LEO1: variants seen among roughly 807,000 people sequenced by gnomAD.
LEO1 encodes LEO1 component of Paf1/RNA polymerase II complex.
In LEO1, 34 loss-of-function variants were observed where a neutral mutation model predicts 80.4. The observed-to-expected ratio is 0.42, with a 90% CI of 0.32 to 0.56. LEO1 has a LOEUF of 0.56. LEO1 is among the 20% of genes least tolerant of loss of function. The pLI is 0.10. For missense variants in LEO1, 631 were observed against 814.2 expected (o/e 0.77, Z 2.74); for synonymous variants, 262 against 274.9 (o/e 0.95, Z 0.46).
rs1941081904 is a variant in LEO1, at chr15:51,949,887, A to G, written c.1719T>C (p.Asp573=). The G allele has an allele frequency of 6.2e-7, 1 of 1,613,970 alleles. No homozygotes were observed. The change falls in exon 10 of 12, where the codon GAT becomes GAC. Residue 573 remains aspartate, a synonymous_variant. Coordinates refer to ENST00000299601, the MANE Select transcript of LEO1 (RefSeq NM_138792.4). ...CGCCTTCCTCCTCCTCATCGTATCG[A>G]TCAGGTTCCAGGTAACTGGCGCTCA... The part of the protein sequence containing the change: ...RGLSASYLEP[D]RYDEEEEGEE...
At chr15:51,940,429 C>T (rs111826833) in intron 11 of LEO1, among the ~76,000 whole-genome samples, 10,795 of 151,160 alleles carry the variant, frequency 0.071, 518 homozygotes, top group South Asian at 0.13. Flanking sequence ...GGCGTGATGG[C>T]GGGCACCTGT....
chr15:51,967,115 A>C (rs974417869), intron 1 of LEO1, among the ~76,000 whole-genome samples: 1 of 152,184 alleles, frequency 6.6e-6, no homozygotes, highest in Non-Finnish European at 1.5e-5. Flanking sequence ...GGACACCTTA[A>C]GTTATACCAA....
At position 51,971,701 on chromosome 15, in the gene LEO1, T is replaced by C. The variant is rs768985049; in HGVS notation, c.45A>G (p.Glu15=). The change falls in exon 1 of 12, where the codon GAA becomes GAG. Residue 15 remains glutamate (E), a synonymous_variant. Coordinates refer to ENST00000299601, the MANE Select transcript of LEO1 (RefSeq NM_138792.4). ...EDLFGSDADS[E]AERKDSDSGS... ...CAGCGAACCCACCTTTACGCTCAGCTTCGCTGTCGGCGTCGCTCCCGAAGA... is the reference window on the plus strand; with the variant it reads ...CAGCGAACCCACCTTTACGCTCAGCCTCGCTGTCGGCGTCGCTCCCGAAGA... 10 of 1,614,178 alleles carry C rather than the reference T, an allele frequency of 6.2e-6. No individual in the cohort carries two copies. The Admixed American group carries it at 8.3e-5, about 13-fold the overall frequency.
In LEO1 at chr15:51,947,358, A is replaced by G; in HGVS notation, c.1830T>C (p.Ser610=). The change falls in exon 11 of 12, where the codon AGT becomes AGC. Residue 610 remains serine, a synonymous_variant. Coordinates refer to ENST00000299601, the MANE Select transcript of LEO1 (RefSeq NM_138792.4). ...EERARIYSSD[S]DEGSEEDKAQ... ...CTTTATCTTCTTCTGATCCCTCATC[A>G]CTGTCTGATGAATAGATTCTGGCTC... 1.9e-6 allele frequency: 3 copies of G among 1,612,984 alleles called. No homozygotes were observed. The highest frequency in any genetic ancestry group is 2.5e-6 in the Non-Finnish European group (3 of 1,179,574).
Position 51,965,762 on chromosome 15 carries a change from C to T in LEO1, c.801G>A (p.Gln267=), listed in dbSNP as rs749502590. 6.2e-7 allele frequency: 1 copy of T among 1,607,866 alleles called. No individual in the cohort carries two copies. Among genetic ancestry groups the T allele is most frequent in the South Asian group, 1.1e-5 (1 of 89,966 alleles). ...EHRHSDDEEE[Q]DHKSESARGS... ...TAAATGTATTACCTGATTTATGATC[C>T]TGTTCCTCTTCATCATCTGAATGCC... is the stretch of plus-strand genomic sequence containing the variant. The change falls in exon 2 of 12, where the codon CAG becomes CAA. Residue 267 remains glutamine (Q), a synonymous_variant. Coordinates refer to ENST00000299601, the MANE Select transcript of LEO1 (RefSeq NM_138792.4).
At chr15:51,958,878 A>C (rs745358446) in intron 5 of LEO1, 52 bp from the exon 6 acceptor site, 7 of 923,660 alleles carry the variant, frequency 7.6e-6, no homozygotes, top group Non-Finnish European at 1.2e-5. Context: ...AAAGAATATT[A>C]CTGCTATGTA....
intron 10 of LEO1, among the ~76,000 whole-genome samples, chr15:51,948,500 C>G (rs1195644087): frequency 6.6e-6 from 1 of 152,064 alleles, no homozygotes; most frequent in Non-Finnish European, 1.5e-5. Context: ...TAACAGGTCA[C>G]CAGACCAAAT....
At chr15:51,968,074 T>C (rs1213698198) in intron 1 of LEO1, among the ~76,000 whole-genome samples, 1 of 151,914 alleles carries the variant, frequency 6.6e-6, no homozygotes, top group East Asian at 1.9e-4. Flanking sequence ...AGCCCACTAC[T>C]TGGGAGGCTG....
chr15:51,946,033 TAAAAAA>T (rs914377515), intron 11 of LEO1, among the ~76,000 whole-genome samples: 1 of 149,944 alleles, frequency 6.7e-6, no homozygotes, highest in Non-Finnish European at 1.5e-5. Flanking sequence ...GACTCTGTCT[TAAAAAA>T]AAAGAAAAAG....
At chr15:51,938,290 A>G (rs912859272) in intron 11 of LEO1, 30 bp from the exon 12 acceptor site, 2 of 1,278,310 alleles carry the variant, frequency 1.6e-6, no homozygotes, top group Non-Finnish European at 2.2e-6. Flanking sequence ...ACAAATCTAC[A>G]AGTCAATAAA....
At chr15:51,941,985 C>T (rs1367781951) in intron 11 of LEO1, among the ~76,000 whole-genome samples, 1 of 152,198 alleles carries the variant, frequency 6.6e-6, no homozygotes, top group African/African-American at 2.4e-5. Flanking sequence ...GCCCTTGCCC[C>T]CATTTCAAGG....
chr15:51,952,095 T>C (rs556359447), intron 8 of LEO1, 116 bp from the exon 9 acceptor site: 22 of 843,798 alleles, frequency 2.6e-5, no homozygotes, highest in South Asian at 9.8e-5. Flanking sequence ...CCTGAAAAAA[T>C]AGGCAGAGAC....
chr15:51,947,411 G>C, intron 10 of LEO1, 22 bp from the exon 11 acceptor site: 1 of 1,525,632 alleles, frequency 6.6e-7, no homozygotes, highest in Non-Finnish European at 9.0e-7. Context: ...AGTACAGATT[G>C]TGAGTCACCT....
rs138933224 is a variant in LEO1 at position 51,962,935 on chromosome 15, C to CCA, written c.815-443_815-442insTG. ...GTACATGCAGAACATGCCCCCCCCC[C>CCA]AAAAAATTAACTCTAGTGTGTGTTA... On this transcript the variant is annotated intron_variant, in intron 2 of 11. Coordinates refer to ENST00000299601, the MANE Select transcript of LEO1 (RefSeq NM_138792.4). Among the ~76,000 whole-genome samples, 268 of 150,604 alleles carry CCA rather than the reference C, an allele frequency of 1.8e-3. 7 individuals are homozygous for CCA. The highest frequency in any genetic ancestry group is 0.014 in the East Asian group (73 of 5,148).
chr15:51,965,136 G>C (rs1175089818), intron 2 of LEO1, among the ~76,000 whole-genome samples: 4 of 152,156 alleles, frequency 2.6e-5, no homozygotes, highest in Non-Finnish European at 5.9e-5. Flanking sequence ...TGCCATCCAC[G>C]CTAGATTTGC....
At chr15:51,941,088 C>CAAATAAATAAAT (rs71426099) in intron 11 of LEO1, among the ~76,000 whole-genome samples, 5 of 150,902 alleles carry the variant, frequency 3.3e-5, no homozygotes, top group African/African-American at 1.2e-4. Flanking sequence ...AACAAACAAA[C>CAAATAAATAAAT]AAATAAATAA....
intron 11 of LEO1, among the ~76,000 whole-genome samples, chr15:51,943,952 T>C (rs988744235): frequency 2.6e-4 from 40 of 151,958 alleles, no homozygotes; most frequent in Non-Finnish European, 4.1e-4. Flanking sequence ...GAAAAATGAA[T>C]AGTCCCAGAG....
chr15:51,952,980 C>T (rs1055489007), intron 8 of LEO1, 149 bp downstream of exon 8: 2 of 629,772 alleles, frequency 3.2e-6, no homozygotes, highest in Admixed American at 3.2e-5. Context: ...GACAAAATAA[C>T]CTTTGAACCT....
chr15:51,964,977 G>C (rs2141778340), intron 2 of LEO1, among the ~76,000 whole-genome samples: 1 of 152,278 alleles, frequency 6.6e-6, no homozygotes. Flanking sequence ...TTTAGGGAAT[G>C]AGTGCTGTAA....
Sources: gnomAD v4.1 joint callset for allele counts (sites outside exome capture counted in the v4.1 genomes callset) on GRCh38, gnomAD v4.1.1 for gene constraint, MANE v1.5 for transcripts, NCBI Gene and HGNC (gene_info 2026-07-23, HGNC 2026-07-21) for gene names.